Variants in APAF1 observed in about 807,000 individuals in gnomAD.
APAF1 encodes apoptotic protease-activating factor 1.
APAF1 carries 91 observed loss-of-function variants against 152.4 expected under a neutral mutation model. The observed-to-expected ratio is 0.60, with a 90% CI of 0.50 to 0.71. The LOEUF is 0.71. APAF1 is among the 30% of genes least tolerant of loss of function. APAF1 has a pLI of 0.00. For synonymous variants in APAF1, 484 were observed against 494.1 expected, an observed-to-expected ratio of 0.98 and a Z score of 0.27; for missense variants, 1,283 against 1,472.0, an observed-to-expected ratio of 0.87 and a Z score of 2.10.
chr12:98,715,240 A>G (rs1290170766), intron 21 of APAF1, among the ~76,000 whole-genome samples, 187 bp from the exon 22 acceptor site: 2 of 22,112 alleles, frequency 9.0e-5, no homozygotes, highest in African/African-American at 1.7e-4. Context: ...GTGTGCATAT[A>G]TATATATATA....
chr12:98,677,533 A>G lies in APAF1; in HGVS notation c.1902A>G (p.Gly634=). The part of the protein sequence containing the change: ...SEDGQRIASC[G]ADKTLQVFKA... ...ATGGTCAGAGAATAGCTTCTTGTGG[A>G]GCTGATAAAACCTTACAGGTAAAAC... Residue 634 remains glycine (G), a synonymous_variant, in exon 13 of 27, where the codon GGA becomes GGG. Coordinates refer to ENST00000551964, the MANE Select transcript of APAF1 (RefSeq NM_181861.2). The G allele has an allele frequency of 6.2e-7, 1 of 1,614,152 alleles. No individual in the cohort carries two copies. The highest frequency in any genetic ancestry group is 2.2e-5 in the East Asian group (1 of 44,874).
rs891427283 is a variant in APAF1 at position 98,723,218 on chromosome 12, G to A, written c.3110G>A (p.Cys1037Tyr). 3 of 1,613,634 alleles carry A rather than the reference G, an allele frequency of 1.9e-6. No homozygotes were observed. Among genetic ancestry groups the A allele is most frequent in the Non-Finnish European group, 2.5e-6 (3 of 1,179,616 alleles). ...GTATGGAATTGGCAATTGGACAAAT[G>A]TATCTTTCTACGAGGCCATCAGGAA... ...IQVWNWQLDK[C>Y]IFLRGHQETV... Residue 1037 changes from cysteine (C) to tyrosine (Y), a missense_variant, in exon 23 of 27, where the codon TGT (cysteine) becomes TAT (tyrosine). Physicochemically the swap from Cys to Tyr is radical, Grantham distance 194. Coordinates refer to ENST00000551964, the MANE Select transcript of APAF1 (RefSeq NM_181861.2).
intron 20 of APAF1, among the ~76,000 whole-genome samples, chr12:98,710,945 A>G (rs2097727319): frequency 6.6e-6 from 1 of 152,216 alleles, no homozygotes; most frequent in Admixed American, 6.5e-5. Context: ...ATCCAAATTC[A>G]GGAGTAGATA....
Position 98,667,494 on chromosome 12 carries a change from A to T in APAF1, c.1363-19A>T, listed in dbSNP as rs201519833. 1.2e-6 allele frequency: 2 copies of T among 1,612,480 alleles called. No individual in the cohort carries two copies. The highest frequency in any genetic ancestry group is 2.7e-5 in the African/African-American group (2 of 74,984). On this transcript the variant is annotated intron_variant, in intron 9 of 26. Transcript: ENST00000551964. ...TATAAAATTGTTTCTGGCTTCTGAA[A>T]CGTTTCATTGGGTTGCAGGATCTAC...
chr12:98,700,744 C>CT (rs2097714526), intron 17 of APAF1, among the ~76,000 whole-genome samples: 1 of 152,162 alleles, frequency 6.6e-6, no homozygotes, highest in Non-Finnish European at 1.5e-5. Flanking sequence ...TAAACAGAAA[C>CT]TTTGTAACCA....
chr12:98,710,479 A>G (rs2097726752), intron 20 of APAF1, among the ~76,000 whole-genome samples: 1 of 152,204 alleles, frequency 6.6e-6, no homozygotes, highest in Non-Finnish European at 1.5e-5. Context: ...AGAGGAGCAG[A>G]ATAGAGAAGA....
chr12:98,728,801 G>T (rs2097755380), intron 26 of APAF1, among the ~76,000 whole-genome samples: 1 of 152,192 alleles, frequency 6.6e-6, no homozygotes, highest in South Asian at 2.1e-4. Flanking sequence ...CCAGGTCTCT[G>T]CCTCTGCTTT....
chr12:98,663,243 T>A (rs2097667858), intron 7 of APAF1, among the ~76,000 whole-genome samples: 1 of 152,236 alleles, frequency 6.6e-6, no homozygotes, highest in Non-Finnish European at 1.5e-5. Flanking sequence ...GAAGTTATCC[T>A]TGACTTTAAG....
chr12:98,671,675 G>A lies in APAF1; in HGVS notation c.1749G>A (p.Gln583=). 1 of 1,614,070 alleles carries A rather than the reference G, an allele frequency of 6.2e-7. No homozygotes were observed. The highest frequency in any genetic ancestry group is 8.5e-7 in the Non-Finnish European group (1 of 1,180,024). Reference sequence around the variant, plus strand: ...AAGTTTATCAGCAAGCTAAGCTGCAGGCCAAGCAGGAGGTCGATAATGGAA... The same window carrying A: ...AAGTTTATCAGCAAGCTAAGCTGCAAGCCAAGCAGGAGGTCGATAATGGAA... The part of the protein sequence containing the change: ...TSEVYQQAKL[Q]AKQEVDNGML... The change falls in exon 12 of 27, where the codon CAG becomes CAA. Residue 583 remains glutamine (Q), a synonymous_variant. Coordinates refer to ENST00000551964, the MANE Select transcript of APAF1 (RefSeq NM_181861.2).
At position 98,662,733 on chromosome 12, in the gene APAF1, T is replaced by G. The variant is rs1228957932; in HGVS notation, c.882T>G (p.Ile294Met). Residue 294 changes from isoleucine to methionine, a missense_variant, in exon 7 of 27, where the codon ATT (isoleucine) becomes ATG (methionine). Ile to Met is a conservative substitution (Grantham distance 10, BLOSUM62 1). Coordinates refer to ENST00000551964, the MANE Select transcript of APAF1 (RefSeq NM_181861.2). ...SSLGKEKGLE[I>M]LSLFVNMKKA... ...TAGGAAAGGAAAAAGGACTTGAAAT[T>G]TTATCCCTTTTTGTTAATATGAAGA... is the stretch of plus-strand genomic sequence containing the variant. 6.2e-7 allele frequency: 1 copy of G among 1,612,676 alleles called. No individual in the cohort carries two copies. The highest frequency in any genetic ancestry group is 1.3e-5 in the African/African-American group (1 of 74,878).
intron 10 of APAF1, among the ~76,000 whole-genome samples, chr12:98,668,305 T>C (rs1029264085): frequency 6.6e-6 from 1 of 152,242 alleles, no homozygotes; most frequent in Non-Finnish European, 1.5e-5. Context: ...GAATTAATCC[T>C]CTTCTTACTA....
In APAF1 at chr12:98,673,284, C is replaced by A. The variant is rs959971310; in HGVS notation, c.1793+1565C>A. On this transcript the variant is annotated intron_variant, in intron 12 of 26. Coordinates refer to ENST00000551964, the MANE Select transcript of APAF1 (RefSeq NM_181861.2). Reference sequence around the variant, plus strand: ...TCACCTGAGGTCAGGAGTTTGAGACCAGCCTGGTCAACATGGTGAAACCCA... The same window carrying A: ...TCACCTGAGGTCAGGAGTTTGAGACAAGCCTGGTCAACATGGTGAAACCCA... Among the ~76,000 whole-genome samples, 18 of 151,346 alleles carry A rather than the reference C, an allele frequency of 1.2e-4. 1 individual carries two copies. The highest frequency in any genetic ancestry group is 4.1e-4 in the African/African-American group (17 of 41,392).
At chr12:98,712,820 T>A (rs2097729507) in intron 21 of APAF1, 1 of 218,740 alleles carries the variant, frequency 4.6e-6, no homozygotes, top group Admixed American at 5.4e-5. Flanking sequence ...CTGGCTATTG[T>A]ATACCTTTTT....
At chr12:98,686,609 A>T in intron 15 of APAF1, 139 bp from the exon 16 acceptor site, 1 of 802,718 alleles carries the variant, frequency 1.2e-6, no homozygotes, top group Admixed American at 2.8e-5. Context: ...TGTGTTTGAT[A>T]CGTTTGTGTT....
chr12:98,682,366 T>C (rs2097693355), intron 14 of APAF1, among the ~76,000 whole-genome samples: 1 of 152,204 alleles, frequency 6.6e-6, no homozygotes, highest in Admixed American at 6.5e-5. Flanking sequence ...TGATTACTTT[T>C]TACTGAAAAC....
At chr12:98,701,992 C>A (rs1235538653) in intron 17 of APAF1, among the ~76,000 whole-genome samples, 5 of 152,182 alleles carry the variant, frequency 3.3e-5, no homozygotes, top group Admixed American at 6.5e-5. Context: ...ATCTGATTTC[C>A]TGCCCTGTGT....
chr12:98,674,677 C>T (rs964745751), intron 12 of APAF1, among the ~76,000 whole-genome samples: 2 of 152,156 alleles, frequency 1.3e-5, no homozygotes, highest in Non-Finnish European at 2.9e-5. Flanking sequence ...AATCCCAGCT[C>T]TGCTATTGAT....
chr12:98,667,279 T>G (rs1052282195), intron 9 of APAF1, among the ~76,000 whole-genome samples: 1 of 151,900 alleles, frequency 6.6e-6, no homozygotes, highest in African/African-American at 2.4e-5. Context: ...TTATTTTTTA[T>G]TTTTTGTAAA....
chr12:98,662,317 AT>A, intron 5 of APAF1, 138 bp from the exon 6 acceptor site: 1 of 659,480 alleles, frequency 1.5e-6, no homozygotes, highest in Admixed American at 2.7e-5. Context: ...AGGAAGAATC[AT>A]TTTCCTAGAT....
Sources: gnomAD v4.1 joint callset for allele counts (sites outside exome capture counted in the v4.1 genomes callset) on GRCh38, gnomAD v4.1.1 for gene constraint, MANE v1.5 for transcripts, NCBI Gene and HGNC (gene_info 2026-07-23, HGNC 2026-07-21) for gene names.